Variants in PTPRD observed in about 807,000 individuals in gnomAD.
PTPRD encodes the protein receptor-type tyrosine-protein phosphatase delta.
PTPRD carries 34 observed loss-of-function variants against 214.5 expected under a neutral mutation model. The ratio of observed to expected loss-of-function variants is 0.16; its 90% CI spans 0.12 to 0.21. PTPRD has a LOEUF of 0.21. PTPRD is among the 10% of genes least tolerant of loss of function. The pLI is 1.00. For missense variants in PTPRD, 2,545 were observed against 2,398.7 expected (o/e 1.06, Z -1.27); for synonymous variants, 1,128 against 845.7 (o/e 1.33, Z -5.79).
At chr9:8,735,737 C>G (rs1056888681) in intron 11 of PTPRD, among the ~76,000 whole-genome samples, 7 of 151,884 alleles carry the variant, frequency 4.6e-5, no homozygotes, top group African/African-American at 7.3e-5. Context: ...TGGTGAAACT[C>G]CGTCTCTACT....
At chr9:8,906,095 T>C (rs2098705771) in intron 11 of PTPRD, among the ~76,000 whole-genome samples, 1 of 152,210 alleles carries the variant, frequency 6.6e-6, no homozygotes, top group Non-Finnish European at 1.5e-5. Context: ...ATGCAATGAA[T>C]GCAACACAAA....
intron 2 of PTPRD, among the ~76,000 whole-genome samples, chr9:10,584,901 AT>A (rs2073399801): frequency 6.6e-6 from 1 of 152,168 alleles, no homozygotes; most frequent in South Asian, 2.1e-4. Context: ...CAACATTCAT[AT>A]GTTAGATGCA....
At chr9:9,140,825 G>A (rs1475689447) in intron 10 of PTPRD, among the ~76,000 whole-genome samples, 1 of 152,030 alleles carries the variant, frequency 6.6e-6, no homozygotes, top group Admixed American at 6.5e-5. Flanking sequence ...TGATCTGCCC[G>A]CCTCAGCCTC....
intron 11 of PTPRD, among the ~76,000 whole-genome samples, chr9:8,966,850 C>T (rs2099198627): frequency 6.6e-6 from 1 of 152,006 alleles, no homozygotes. Context: ...TATTCACAAA[C>T]TGTGCATCCG....
chr9:9,154,472 A>T (rs137873196), intron 10 of PTPRD, among the ~76,000 whole-genome samples: 160 of 152,238 alleles, frequency 1.1e-3, no homozygotes, highest in African/African-American at 3.7e-3. Flanking sequence ...AGAGAGAGAG[A>T]GCAAGTGCTA....
intron 9 of PTPRD, among the ~76,000 whole-genome samples, chr9:9,269,799 A>G (rs2132691042): frequency 6.6e-6 from 1 of 151,348 alleles, no homozygotes; most frequent in Middle Eastern, 3.4e-3. Context: ...CATGCAATCT[A>G]AAAAAGATAA....
At chr9:9,681,993 T>C (rs1595089968) in intron 7 of PTPRD, among the ~76,000 whole-genome samples, 3 of 151,924 alleles carry the variant, frequency 2.0e-5, no homozygotes, top group Admixed American at 6.6e-5. Context: ...CCTTGAACTT[T>C]CTCATCATTA....
intron 2 of PTPRD, among the ~76,000 whole-genome samples, chr9:10,564,168 A>ATTTTTTTTTTTTTTTTTTTTTTTTTTTT (rs1591017043): frequency 8.4e-5 from 1 of 11,880 alleles, no homozygotes; most frequent in Non-Finnish European, 1.9e-4. Flanking sequence ...ACACTAGGCT[A>ATTTTTTTTTTTTTTTTTTTTTTTTTTTT]TTCTTTTTTT....
At chr9:10,420,646 G>T (rs1028252020) in intron 2 of PTPRD, among the ~76,000 whole-genome samples, 3 of 151,710 alleles carry the variant, frequency 2.0e-5, no homozygotes, top group Non-Finnish European at 2.9e-5. Context: ...TTCTTATACC[G>T]AATTCTCAAC....
intron 44 of PTPRD, among the ~76,000 whole-genome samples, chr9:8,321,704 T>C (rs1828421900): frequency 1.3e-5 from 2 of 151,606 alleles, no homozygotes; most frequent in Admixed American, 1.3e-4. Context: ...AGAGATTATT[T>C]TAGAAAAGTT....
At chr9:9,323,602 C>G (rs760289229) in intron 9 of PTPRD, among the ~76,000 whole-genome samples, 1 of 152,102 alleles carries the variant, frequency 6.6e-6, no homozygotes, top group Admixed American at 6.6e-5. Flanking sequence ...ACTATCTTAT[C>G]TCAAACAAAT....
chr9:10,356,781 G>A (rs1356373012), intron 2 of PTPRD, among the ~76,000 whole-genome samples: 1 of 151,890 alleles, frequency 6.6e-6, no homozygotes, highest in Non-Finnish European at 1.5e-5. Flanking sequence ...CCAAGTTCAA[G>A]GGGTTCTCCT....
At position 8,996,527 on chromosome 9, in the gene PTPRD, T is replaced by C. The variant is rs549598874; in HGVS notation, c.-104+22170A>G. ...GGATCTGTGGGGTGCCTTACCCCATTTGGGCTACTATAGCAAAATATCTCA... is the reference window on the plus strand; with the variant it reads ...GGATCTGTGGGGTGCCTTACCCCATCTGGGCTACTATAGCAAAATATCTCA... On this transcript the variant is annotated intron_variant, in intron 11 of 45. Coordinates refer to ENST00000381196, the MANE Select transcript of PTPRD (RefSeq NM_002839.4). Among the ~76,000 whole-genome samples the C allele has an allele frequency of 1.6e-4, 24 of 152,112 alleles. No homozygotes were observed. In the South Asian group the frequency reaches 3.5e-3, roughly 22 times the overall value.
chr9:8,975,733 C>T (rs989133161), intron 11 of PTPRD, among the ~76,000 whole-genome samples: 1 of 151,420 alleles, frequency 6.6e-6, no homozygotes, highest in Admixed American at 6.6e-5. Flanking sequence ...CATTTTAAAT[C>T]TCACATATTT....
intron 14 of PTPRD, among the ~76,000 whole-genome samples, chr9:8,605,767 C>T (rs2095170931): frequency 6.6e-6 from 1 of 152,206 alleles, no homozygotes; most frequent in African/African-American, 2.4e-5. Context: ...AACAGACTTA[C>T]ACCACTTCCA....
At chr9:8,794,273 T>C (rs762897664) in intron 11 of PTPRD, among the ~76,000 whole-genome samples, 1 of 152,054 alleles carries the variant, frequency 6.6e-6, no homozygotes, top group African/African-American at 2.4e-5. Flanking sequence ...AAGTGCAATA[T>C]GTTTAACTTA....
intron 11 of PTPRD, among the ~76,000 whole-genome samples, chr9:8,898,353 A>C (rs2098637600): frequency 6.6e-6 from 1 of 152,072 alleles, no homozygotes. Flanking sequence ...GGAGAAGAAA[A>C]CTGAAAGTTT....
intron 5 of PTPRD, among the ~76,000 whole-genome samples, chr9:9,861,002 G>C (rs2062629014): frequency 6.6e-6 from 1 of 152,136 alleles, no homozygotes; most frequent in South Asian, 2.1e-4. Context: ...TGGAAAAATA[G>C]ACATTATAGT....
At chr9:10,261,192 G>A (rs2093679461) in intron 3 of PTPRD, among the ~76,000 whole-genome samples, 1 of 150,782 alleles carries the variant, frequency 6.6e-6, no homozygotes, top group Non-Finnish European at 1.5e-5. Context: ...AAACAACTTG[G>A]AGAAAACAAA....
Sources: allele counts gnomAD v4.1 joint callset (sites outside exome capture counted in the v4.1 genomes callset), GRCh38; gene constraint gnomAD v4.1.1; transcripts MANE v1.5; gene names NCBI Gene and HGNC (gene_info 2026-07-23, HGNC 2026-07-21).